HMG20B: variants seen among roughly 807,000 people sequenced by gnomAD.
The protein encoded by HMG20B is SWI/SNF-related matrix-associated actin-dependent regulator of chromatin subfamily E member 1-related.
In HMG20B, 24 loss-of-function variants were observed where a neutral mutation model predicts 41.6. The ratio of observed to expected loss-of-function variants is 0.58; its 90% confidence interval spans 0.42 to 0.81. The LOEUF (loss-of-function observed/expected upper bound fraction) is 0.81. Among genes scored for constraint, HMG20B ranks in the 30% least tolerant of loss-of-function variants. The pLI, the probability that HMG20B is intolerant of heterozygous loss-of-function variation, is 0.00. For synonymous variants in HMG20B, 251 were observed against 186.6 expected (o/e 1.34, Z -2.81); for missense variants, 461 against 444.0 (o/e 1.04, Z -0.34).
rs2032072767 is a variant in HMG20B, at chr19:3,572,989, T to C, written c.-24T>C. On this transcript the variant is annotated 5_prime_UTR_variant, in exon 1 of 10. Transcript: ENST00000333651. ...AGTCGGGAGGTCCGGGAAAGTTTCT[T>C]TGGAGGTGAAAACAGCCGCGGAACT... is the stretch of plus-strand genomic sequence containing the variant. 1 of 339,310 alleles carries C rather than the reference T, an allele frequency of 2.9e-6. No individual in the cohort carries two copies. The highest frequency in any genetic ancestry group is 5.4e-6 in the Non-Finnish European group (1 of 185,372). The allele number at this position is 339,310 out of a possible 1,614,324, so 21.0% of individuals were successfully genotyped here. A position where few individuals can be genotyped will look rare whatever the true frequency, so the allele number is the denominator to read the frequency against.
Position 3,578,677 on chromosome 19 carries a change from T to G in HMG20B, c.*156T>G. ...CCCCTAAAATTAAATTTCTGCAGCA[T>G]CCCTTTAGCTTTCAATCTCCCCAGC... On this transcript the variant is annotated 3_prime_UTR_variant, in exon 10 of 10. Coordinates refer to ENST00000333651, the MANE Select transcript of HMG20B (RefSeq NM_006339.3). 6 of 960,034 alleles carry G rather than the reference T, an allele frequency of 6.2e-6. No homozygotes were observed. The highest frequency in any genetic ancestry group is 9.8e-6 in the Non-Finnish European group (6 of 612,572). The allele number at this position is 960,034 out of a possible 1,614,324, so 59.5% of individuals were successfully genotyped here.
intron 6 of HMG20B, 32 bp from the exon 7 acceptor site, chr19:3,576,521 C>G: frequency 1.9e-6 from 3 of 1,593,550 alleles, no homozygotes; most frequent in Non-Finnish European, 2.6e-6. Flanking sequence ...CTCCTACCAC[C>G]AGTAAATTGC....
rs762773186 is a variant in HMG20B, at chr19:3,576,879, C to T, written c.593-13C>T. 5.1e-6 allele frequency: 8 copies of T among 1,558,036 alleles called. No individual in the cohort carries two copies. Among genetic ancestry groups the T allele is most frequent in the Non-Finnish European group, 6.9e-6 (8 of 1,152,218 alleles). On this transcript the variant is annotated splice_polypyrimidine_tract_variant and intron_variant, in intron 7 of 9. Transcript: ENST00000333651. Reference sequence around the variant, plus strand: ...GGGAGGCGCAGGCTTTGACCCCGCTCCCCCCGGCGCAGCGCGTGAGGCGGA... The same window carrying T: ...GGGAGGCGCAGGCTTTGACCCCGCTTCCCCCGGCGCAGCGCGTGAGGCGGA...
chr19:3,574,234 G>A (rs1466674163), intron 3 of HMG20B, 149 bp from the exon 4 acceptor site: 3 of 709,614 alleles, frequency 4.2e-6, no homozygotes, highest in Admixed American at 4.9e-5. Context: ...ACTGCTGACC[G>A]GGCCCTACCT....
rs1411806857 is a variant in HMG20B at position 3,578,624 on chromosome 19, C to T, written c.*103C>T. 5.6e-6 allele frequency: 8 copies of T among 1,434,216 alleles called. No individual in the cohort carries two copies. The East Asian group carries it at 2.0e-4, about 35-fold the overall frequency. The allele number at this position is 1,434,216 out of a possible 1,614,324, so 88.8% of individuals were successfully genotyped here. On this transcript the variant is annotated 3_prime_UTR_variant, in exon 10 of 10. Coordinates refer to ENST00000333651, the MANE Select transcript of HMG20B (RefSeq NM_006339.3). ...GGGGGTCCACCCTTTGGGGCCTGGT[C>T]CCATCCTGCACCTTGGGGGCTCCAG...
At chr19:3,575,439 G>T (rs1057405452) in intron 4 of HMG20B, 101 bp from the exon 5 acceptor site, 11 of 1,518,736 alleles carry the variant, frequency 7.2e-6, no homozygotes, top group Non-Finnish European at 9.7e-6. Context: ...AGCTATAGAA[G>T]GTTCAGGAGA....
intron 3 of HMG20B, 108 bp downstream of exon 3, chr19:3,573,908 T>G (rs780261049): frequency 8.4e-6 from 9 of 1,076,086 alleles, no homozygotes; most frequent in African/African-American, 1.6e-5. Context: ...CACAGCCCAT[T>G]TTCCTCTGGA....
At chr19:3,574,699 G>A in intron 4 of HMG20B, 113 bp downstream of exon 4, 1 of 962,614 alleles carries the variant, frequency 1.0e-6, no homozygotes, top group Non-Finnish European at 1.5e-6. Flanking sequence ...CTGGAGAAAT[G>A]CCCACCCATA....
rs1346358664 is a variant in HMG20B at position 3,578,581 on chromosome 19, C to A, written c.*60C>A. On this transcript the variant is annotated 3_prime_UTR_variant, in exon 10 of 10. Transcript: ENST00000333651. ...GTGGGCGCGGCCCTGCCACACCCCA[C>A]CCCGTGGACGAGAGGCTGGGGGTCC... 6.5e-7 allele frequency: 1 copy of A among 1,549,134 alleles called. No homozygotes were observed. Among genetic ancestry groups the A allele is most frequent in the Non-Finnish European group, 8.7e-7 (1 of 1,145,456 alleles).
chr19:3,573,160 T>G, intron 1 of HMG20B, 132 bp from the exon 2 acceptor site: 1 of 666,796 alleles, frequency 1.5e-6, no homozygotes. Flanking sequence ...AGGACTTCCC[T>G]GCCCCTGGAT....
intron 6 of HMG20B, 28 bp from the exon 7 acceptor site, chr19:3,576,525 A>C (rs1364424040): frequency 1.9e-6 from 3 of 1,602,520 alleles, no homozygotes; most frequent in Admixed American, 1.7e-5. Flanking sequence ...TACCACCAGT[A>C]AATTGCCACC....
In HMG20B at chr19:3,576,640, C is replaced by T. The variant is rs2032167637; in HGVS notation, c.592+15C>T. The T allele has an allele frequency of 6.2e-7, 1 of 1,605,822 alleles. No homozygotes were observed. Among genetic ancestry groups the T allele is most frequent in the Non-Finnish European group, 8.5e-7 (1 of 1,174,010 alleles). On this transcript the variant is annotated intron_variant, in intron 7 of 9. Coordinates refer to ENST00000333651, the MANE Select transcript of HMG20B (RefSeq NM_006339.3). ...CCAAAACAAAGGTGAGCGGTAACTGCGCTCCTGATGCGAACTCCGTGAAAC... is the reference window on the plus strand; with the variant it reads ...CCAAAACAAAGGTGAGCGGTAACTGTGCTCCTGATGCGAACTCCGTGAAAC...
chr19:3,578,536 C>A lies in HMG20B; in HGVS notation c.*15C>A. 6.4e-7 allele frequency: 1 copy of A among 1,570,062 alleles called. No homozygotes were observed. Among genetic ancestry groups the A allele is most frequent in the East Asian group, 2.4e-5 (1 of 42,256 alleles). ...AGCACCTGTGAGGAGTGGGCGGGCC[C>A]ACGATGCAGAGGAGAAGCTGTGGGC... On this transcript the variant is annotated 3_prime_UTR_variant, in exon 10 of 10. Coordinates refer to ENST00000333651, the MANE Select transcript of HMG20B (RefSeq NM_006339.3).
intron 3 of HMG20B, chr19:3,574,180 C>T: frequency 1.6e-6 from 1 of 612,134 alleles, no homozygotes; most frequent in East Asian, 2.8e-5. Flanking sequence ...TTCCTCAGAT[C>T]CCCTCACCCC....
chr19:3,574,197 G>C (rs897779684), intron 3 of HMG20B, 186 bp from the exon 4 acceptor site: 2 of 622,492 alleles, frequency 3.2e-6, no homozygotes, highest in Non-Finnish European at 5.7e-6. Flanking sequence ...CCCCTGGCCA[G>C]GGATCCCTCT....
intron 7 of HMG20B, 132 bp downstream of exon 7, chr19:3,576,757 C>G: frequency 7.9e-7 from 1 of 1,258,388 alleles, no homozygotes; most frequent in Non-Finnish European, 1.1e-6. Context: ...CGCACGCTGT[C>G]GCTCCAGAGG....
Position 3,574,649 on chromosome 19 carries a change from G to T in HMG20B, c.351+63G>T, listed in dbSNP as rs2032119913. The stretch of plus-strand genomic sequence containing the variant: ...CCACGGACTACCCCCCAGTAGCCCC[G>T]ACCCCCAAAGGATTCCACGTGCAGG... On this transcript the variant is annotated intron_variant, in intron 4 of 9. Transcript: ENST00000333651. The T allele has an allele frequency of 2.1e-6, 3 of 1,420,302 alleles. No individual in the cohort carries two copies. The South Asian group carries it at 3.8e-5, about 18-fold the overall frequency. The allele number at this position is 1,420,302 out of a possible 1,614,324, so 88.0% of individuals were successfully genotyped here.
At chr19:3,576,813 C>T in intron 7 of HMG20B, 79 bp from the exon 8 acceptor site, 1 of 1,472,400 alleles carries the variant, frequency 6.8e-7, no homozygotes, top group Non-Finnish European at 9.2e-7. Flanking sequence ...GAAACCTGGG[C>T]AGGGGCACGT....
intron 3 of HMG20B, 158 bp from the exon 4 acceptor site, chr19:3,574,225 C>T (rs2070533523): frequency 4.4e-6 from 3 of 678,922 alleles, no homozygotes; most frequent in Non-Finnish European, 7.7e-6. Context: ...CGTGTCCCGA[C>T]TGCTGACCGG....
Sources: allele counts gnomAD v4.1 joint callset, GRCh38; gene constraint gnomAD v4.1.1; transcripts MANE v1.5; gene names NCBI Gene and HGNC (gene_info 2026-07-23, HGNC 2026-07-21).